Variants in CACNA1I observed in about 807,000 individuals in gnomAD.
CACNA1I encodes calcium voltage-gated channel subunit alpha1 I, also known as voltage-dependent T-type calcium channel subunit alpha-1I.
CACNA1I carries 74 observed loss-of-function variants against 201.6 expected under a neutral mutation model. That is an observed-to-expected ratio of 0.37 (90% CI 0.30 to 0.45). The LOEUF is 0.45. Ranked by LOEUF, CACNA1I falls within the 20% of genes least tolerant of loss-of-function variation. CACNA1I has a pLI of 1.00. For missense variants in CACNA1I, 2,346 were observed against 3,138.1 expected, an observed-to-expected ratio of 0.75 and a Z score of 6.03; for synonymous variants, 1,431 against 1,345.2, an observed-to-expected ratio of 1.06 and a Z score of -1.40.
chr22:39,677,257 A>T lies in CACNA1I; in HGVS notation c.4855-84A>T. On this transcript the variant is annotated intron_variant, in intron 29 of 36. Coordinates refer to ENST00000402142, the MANE Select transcript of CACNA1I (RefSeq NM_021096.4). The surrounding 1 kb of genome is among the most constrained non-coding windows in gnomAD (Gnocchi z 4.8). ...TCTGACCCACAGGCTGCCCAACCCC[A>T]CTGCCCCAGCCTCCACCCTTCCCAG... 1.1e-6 allele frequency: 1 copy of T among 896,516 alleles called. No homozygotes were observed. The highest frequency in any genetic ancestry group is 1.7e-6 in the Non-Finnish European group (1 of 573,498). 55.5% of individuals were successfully genotyped at this position (896,516 alleles called of 1,614,324 possible). A position where few individuals can be genotyped will look rare whatever the true frequency, so the allele number is the denominator to read the frequency against.
intron 1 of CACNA1I, among the ~76,000 whole-genome samples, chr22:39,577,818 GGCTTGGTTGCCA>G (rs1376151383): frequency 2.0e-5 from 3 of 152,216 alleles, no homozygotes; most frequent in Non-Finnish European, 2.9e-5. Context: ...CAGGGTCGGT[GGCTTGGTTGCCA>G]GGTGAAGGAA....
intron 29 of CACNA1I, 61 bp downstream of exon 29, chr22:39,674,094 G>T: frequency 6.7e-7 from 1 of 1,487,290 alleles, no homozygotes; most frequent in African/African-American, 1.4e-5. Flanking sequence ...TGGGCCCTGG[G>T]GCATGAAGGC....
At chr22:39,623,360 A>G (rs1262462114) in intron 4 of CACNA1I, among the ~76,000 whole-genome samples, 1 of 151,056 alleles carries the variant, frequency 6.6e-6, no homozygotes, top group African/African-American at 2.4e-5. Context: ...GCATCTGAGG[A>G]TGTGTGTGCA....
chr22:39,632,730 C>T (rs539409058), intron 4 of CACNA1I, among the ~76,000 whole-genome samples: 1 of 152,188 alleles, frequency 6.6e-6, no homozygotes, highest in Non-Finnish European at 1.5e-5. Flanking sequence ...AATGAATGAA[C>T]GATGGGGCAC....
chr22:39,663,002 A>G, intron 18 of CACNA1I, 126 bp downstream of exon 18: 2 of 668,632 alleles, frequency 3.0e-6, no homozygotes, highest in South Asian at 3.5e-5. Context: ...CCCGGCCCAG[A>G]GGTGGGGGTC....
intron 17 of CACNA1I, 73 bp from the exon 18 acceptor site, chr22:39,662,703 C>T (rs1215012457): frequency 1.8e-6 from 2 of 1,137,200 alleles, no homozygotes; most frequent in Non-Finnish European, 2.6e-6. Flanking sequence ...CCAGTTGGCG[C>T]GATGGCCGCA....
At chr22:39,607,880 T>C (rs1933263563) in intron 3 of CACNA1I, among the ~76,000 whole-genome samples, 1 of 132,982 alleles carries the variant, frequency 7.5e-6, no homozygotes, top group Non-Finnish European at 1.6e-5. Flanking sequence ...ATCCCAGCAC[T>C]TTGGGGTGCC....
rs773368204 is a variant in CACNA1I at position 39,664,731 on chromosome 22, C to G, written c.3667-8C>G. The G allele has an allele frequency of 1.9e-6, 3 of 1,544,168 alleles. No homozygotes were observed. The highest frequency in any genetic ancestry group is 2.7e-5 in the African/African-American group (2 of 73,186). ...GGCAGCCTGACCCCGGCCCCACCCC[C>G]GCCCCAGGTAGTCTCGCTGGGCCTG... is the stretch of plus-strand genomic sequence containing the variant. On this transcript the variant is annotated splice_region_variant and splice_polypyrimidine_tract_variant and intron_variant, in intron 20 of 36. Transcript: ENST00000402142.
In CACNA1I at chr22:39,664,078, C is replaced by T; in HGVS notation, c.3598-13C>T. On this transcript the variant is annotated splice_polypyrimidine_tract_variant and intron_variant, in intron 19 of 36. Transcript: ENST00000402142. ...GGAGCCCCTGAGCCTATGGTATCTC[C>T]CGATGCTTTCAGGAACGCATCTTTC... The T allele has an allele frequency of 6.2e-7, 1 of 1,612,494 alleles. No individual in the cohort carries two copies. Among genetic ancestry groups the T allele is most frequent in the Non-Finnish European group, 8.5e-7 (1 of 1,178,740 alleles).
intron 19 of CACNA1I, 107 bp from the exon 20 acceptor site, chr22:39,663,984 G>A (rs1935104390): frequency 1.3e-6 from 2 of 1,511,878 alleles, no homozygotes; most frequent in South Asian, 2.3e-5. Flanking sequence ...TCCGTGAACT[G>A]AGAGGTGGCA....
intron 5 of CACNA1I, among the ~76,000 whole-genome samples, chr22:39,639,483 T>C (rs1443100722): frequency 6.6e-6 from 1 of 152,232 alleles, no homozygotes; most frequent in Non-Finnish European, 1.5e-5. Context: ...ATTGCATTTA[T>C]GCTTTTTAAT....
At chr22:39,575,817 C>G (rs758489924) in intron 1 of CACNA1I, among the ~76,000 whole-genome samples, 96 of 151,836 alleles carry the variant, frequency 6.3e-4, no homozygotes, top group Non-Finnish European at 1.0e-3. Context: ...CTCTGTCACC[C>G]AGGATGGAGT....
Position 39,661,988 on chromosome 22 carries a change from C to G in CACNA1I, c.2925C>G (p.Tyr975Ter). Reference protein sequence around the residue: ...RSLSSSRSSYYGPWGRSAAWA... With the variant: ...RSLSSSRSSY ...AGTCCAGCTCCCGGAGCTCCTACTA[C>G]GGGCCATGGGGCCGCAGCGCGGCCT... The change falls in exon 17 of 37, where the codon TAC (tyrosine) becomes TAG (stop). Residue 975 changes from tyrosine to a stop codon, truncating the protein, a stop_gained. Coordinates refer to ENST00000402142, the MANE Select transcript of CACNA1I (RefSeq NM_021096.4). LOFTEE classifies it high-confidence loss of function. 1.3e-6 allele frequency: 2 copies of G among 1,555,120 alleles called. No individual in the cohort carries two copies. The highest frequency in any genetic ancestry group is 1.7e-6 in the Non-Finnish European group (2 of 1,156,084).
At chr22:39,592,754 C>T (rs1932837192) in intron 1 of CACNA1I, among the ~76,000 whole-genome samples, 1 of 152,220 alleles carries the variant, frequency 6.6e-6, no homozygotes, top group Non-Finnish European at 1.5e-5. Context: ...CACGGCTTCG[C>T]TTGCCTGTGT....
Position 39,665,788 on chromosome 22 carries a change from A to G in CACNA1I, c.3979-93A>G. The G allele has an allele frequency of 6.3e-7, 1 of 1,577,272 alleles. No individual in the cohort carries two copies. Among genetic ancestry groups the G allele is most frequent in the Non-Finnish European group, 8.7e-7 (1 of 1,151,718 alleles). On this transcript the variant is annotated intron_variant, in intron 22 of 36. Coordinates refer to ENST00000402142, the MANE Select transcript of CACNA1I (RefSeq NM_021096.4). This position sits in a 1 kb window ranked among gnomAD's most constrained non-coding sequence, Gnocchi z 5.5. ...GACATGGGCCCAGATGACTGAGCAC[A>G]AGACAGTCTGAGTAAACGCGATCGA...
At chr22:39,586,751 G>A (rs73169364) in intron 1 of CACNA1I, among the ~76,000 whole-genome samples, 3,187 of 152,232 alleles carry the variant, frequency 0.021, 52 homozygotes, top group Middle Eastern at 0.068. Context: ...GGAGACACGC[G>A]GCAGAGGACA....
chr22:39,649,776 G>A lies in CACNA1I; in HGVS notation c.1843G>A (p.Ala615Thr). 1 of 1,606,946 alleles carries A rather than the reference G, an allele frequency of 6.2e-7. No homozygotes were observed. Among genetic ancestry groups the A allele is most frequent in the Non-Finnish European group, 8.5e-7 (1 of 1,176,678 alleles). Residue 615 changes from alanine (A) to threonine (T), a missense_variant, in exon 10 of 37, where the codon GCG (alanine) becomes ACG (threonine). Transcript: ENST00000402142. This position sits in a 1 kb window ranked among gnomAD's most constrained non-coding sequence, Gnocchi z 7.3. Reference sequence around the variant, plus strand: ...GAAGGAGGAGGAGGAGGAGGAGCAGGCGGATGGGGCGGTCTGGCTGTGCGG... The same window carrying A: ...GAAGGAGGAGGAGGAGGAGGAGCAGACGGATGGGGCGGTCTGGCTGTGCGG... ...LGKEEEEEEQ[A>T]DGAVWLCGDV... is the part of the protein sequence containing the mutation.
intron 1 of CACNA1I, among the ~76,000 whole-genome samples, chr22:39,571,841 C>T (rs1932194820): frequency 1.3e-5 from 2 of 152,256 alleles, no homozygotes; most frequent in South Asian, 4.1e-4. Context: ...GGGGTACTGT[C>T]AGATGACTGG....
chr22:39,668,216 G>C (rs770086933), intron 23 of CACNA1I, 76 bp from the exon 24 acceptor site: 1 of 835,420 alleles, frequency 1.2e-6, no homozygotes, highest in Non-Finnish European at 2.0e-6. Context: ...GAAGAATAGA[G>C]AGCTGAGGAG....
Sources: gnomAD v4.1 joint callset for allele counts (sites outside exome capture counted in the v4.1 genomes callset) on GRCh38, gnomAD v4.1.1 for gene constraint, Gnocchi (gnomAD v3.1) non-coding constraint, MANE v1.5 for transcripts, NCBI Gene and HGNC (gene_info 2026-07-23, HGNC 2026-07-21) for gene names.